The following COL23A1 variants were observed in gnomAD, a reference collection of about 807,000 sequenced individuals.
COL23A1 encodes collagen alpha-1(XXIII) chain.
In COL23A1, 97 loss-of-function variants were observed where a neutral mutation model predicts 99.3. That is an observed-to-expected ratio of 0.98 (90% CI 0.83 to 1.16). The LOEUF (loss-of-function observed/expected upper bound fraction) is 1.16. COL23A1 is among the 50% of genes most tolerant of loss of function. COL23A1 has a pLI of 0.00. For missense variants in COL23A1, 762 were observed against 757.4 expected (o/e 1.01, Z -0.07); for synonymous variants, 320 against 308.2 (o/e 1.04, Z -0.40).
Position 178,258,262 on chromosome 5 carries a change from T to TATATATATATATACAC in COL23A1, c.730-696_730-695insGTGTATATATATATAT. Reference sequence around the variant, plus strand: ...ATATATATATATATATATATATATATACACATGCAAATCAATTCTAGGCAC... The same window carrying TATATATATATATACAC: ...ATATATATATATATATATATATATATATATATATATATACACACACATGCAAATCAATTCTAGGCAC... On this transcript the variant is annotated intron_variant, in intron 12 of 28. Transcript: ENST00000390654. Among the ~76,000 whole-genome samples the TATATATATATATACAC allele has an allele frequency of 8.8e-4, 92 of 104,118 alleles. 15 individuals carry two copies. In the South Asian group the frequency reaches 0.016, roughly 18 times the overall value. The allele number at this position is 104,118 out of a possible 152,430, so 68.3% of individuals were successfully genotyped here. A position where few individuals can be genotyped will look rare whatever the true frequency, so the allele number is the denominator to read the frequency against.
intron 3 of COL23A1, among the ~76,000 whole-genome samples, chr5:178,291,249 G>A (rs1757442579): frequency 6.6e-6 from 1 of 152,192 alleles, no homozygotes; most frequent in African/African-American, 2.4e-5. Context: ...GCAGTCAGCG[G>A]CCAGCACGAT....
chr5:178,389,353 G>A (rs1763839945), intron 2 of COL23A1, among the ~76,000 whole-genome samples: 1 of 152,284 alleles, frequency 6.6e-6, no homozygotes, highest in Middle Eastern at 3.4e-3. Context: ...TCTCCCCTGT[G>A]TGACAGTTAC....
intron 2 of COL23A1, among the ~76,000 whole-genome samples, chr5:178,449,322 T>C (rs1767352753): frequency 6.6e-6 from 1 of 152,148 alleles, no homozygotes; most frequent in Admixed American, 6.5e-5. Flanking sequence ...GAAATGGTCA[T>C]GGGAAGCAGG....
chr5:178,508,018 C>T (rs200443604), intron 2 of COL23A1, among the ~76,000 whole-genome samples: 9 of 18,768 alleles, frequency 4.8e-4, no homozygotes, highest in Non-Finnish European at 7.9e-4. Context: ...TTTATTTTTT[C>T]TTCTTCTTCT....
intron 2 of COL23A1, among the ~76,000 whole-genome samples, chr5:178,476,728 C>T (rs967095359): frequency 6.6e-6 from 1 of 152,204 alleles, no homozygotes; most frequent in African/African-American, 2.4e-5. Flanking sequence ...ATGGGCGGGG[C>T]CACTTTGGCC....
intron 2 of COL23A1, among the ~76,000 whole-genome samples, chr5:178,474,115 G>A (rs1756907242): frequency 6.6e-6 from 1 of 152,166 alleles, no homozygotes; most frequent in African/African-American, 2.4e-5. Flanking sequence ...TTCTTAACCT[G>A]GGCTACAGGA....
intron 2 of COL23A1, among the ~76,000 whole-genome samples, chr5:178,352,624 G>A (rs1164128435): frequency 1.3e-5 from 2 of 152,222 alleles, no homozygotes; most frequent in Non-Finnish European, 2.9e-5. Context: ...GAGGAATGCT[G>A]CACCCAGCTA....
chr5:178,361,310 T>C (rs1762162358), intron 2 of COL23A1, among the ~76,000 whole-genome samples: 1 of 152,078 alleles, frequency 6.6e-6, no homozygotes, highest in Non-Finnish European at 1.5e-5. Context: ...ATCTCTTGAG[T>C]CAGCTGGAAG....
At chr5:178,587,814 A>G (rs1193218732) in intron 1 of COL23A1, among the ~76,000 whole-genome samples, 2 of 152,180 alleles carry the variant, frequency 1.3e-5, no homozygotes, top group Non-Finnish European at 2.9e-5. Context: ...CAGGCTGTGT[A>G]CATTTCCCAT....
chr5:178,362,440 G>A (rs1260098956), intron 2 of COL23A1, among the ~76,000 whole-genome samples: 2 of 152,116 alleles, frequency 1.3e-5, no homozygotes, highest in East Asian at 3.8e-4. Flanking sequence ...AGGGGTGCCT[G>A]TGGCCTGCCA....
At chr5:178,325,486 C>CT (rs1288600112) in intron 2 of COL23A1, among the ~76,000 whole-genome samples, 41 of 123,418 alleles carry the variant, frequency 3.3e-4, no homozygotes, top group Non-Finnish European at 1.5e-4. Flanking sequence ...TCCTTTCTCC[C>CT]TCTTTTTTTT....
chr5:178,476,357 G>A lies in COL23A1; in HGVS notation c.361+84325C>T, dbSNP rs542482381. Among the ~76,000 whole-genome samples, 49 of 152,240 alleles carry A rather than the reference G, an allele frequency of 3.2e-4. 1 individual carries two copies. Among genetic ancestry groups the A allele is most frequent in the African/African-American group, 6.7e-4 (28 of 41,544 alleles). ...CTGTCCTGCAGCCACCCAAGACCAC[G>A]CTTCTGTCTGTAAGTTCCCCAATAA... On this transcript the variant is annotated intron_variant, in intron 2 of 28. Coordinates refer to ENST00000390654, the MANE Select transcript of COL23A1 (RefSeq NM_173465.4).
intron 2 of COL23A1, among the ~76,000 whole-genome samples, chr5:178,447,801 T>C (rs946761864): frequency 6.6e-6 from 1 of 152,052 alleles, no homozygotes; most frequent in Non-Finnish European, 1.5e-5. Flanking sequence ...GAGGAGAATA[T>C]GAAGGGTGTG....
chr5:178,258,262 T>TATATATATATATATATACACACAC, intron 12 of COL23A1, among the ~76,000 whole-genome samples: 3 of 104,128 alleles, frequency 2.9e-5, no homozygotes, highest in Non-Finnish European at 6.7e-5. Context: ...TATATATATA[T>TATATATATATATATATACACACAC]ACACATGCAA....
intron 2 of COL23A1, among the ~76,000 whole-genome samples, chr5:178,446,588 GA>G (rs1272840526): frequency 1.3e-5 from 2 of 151,954 alleles, no homozygotes; most frequent in East Asian, 3.9e-4. Flanking sequence ...AAAAAAATCA[GA>G]AAAATGATAG....
intron 2 of COL23A1, among the ~76,000 whole-genome samples, chr5:178,391,985 GTAT>G (rs1561931839): frequency 6.6e-6 from 1 of 152,138 alleles, no homozygotes; most frequent in African/African-American, 2.4e-5. Flanking sequence ...AGAAAGTCAC[GTAT>G]TATATGATCC....
At chr5:178,479,440 G>A (rs1248751098) in intron 2 of COL23A1, among the ~76,000 whole-genome samples, 6 of 152,130 alleles carry the variant, frequency 3.9e-5, no homozygotes, top group South Asian at 2.1e-4. Context: ...TGGAGATGCC[G>A]GCTCACCCAT....
chr5:178,286,581 C>T (rs934643208), intron 5 of COL23A1, among the ~76,000 whole-genome samples: 1 of 152,234 alleles, frequency 6.6e-6, no homozygotes, highest in African/African-American at 2.4e-5. Context: ...TTCCTTTCCC[C>T]AGGCTTCACA....
intron 2 of COL23A1, among the ~76,000 whole-genome samples, chr5:178,322,483 C>T (rs766746570): frequency 1.3e-5 from 2 of 152,158 alleles, no homozygotes; most frequent in African/African-American, 2.4e-5. Flanking sequence ...GAATCCCTAC[C>T]ATCCCAAAGG....
Sources: gnomAD v4.1 joint callset for allele counts (sites outside exome capture counted in the v4.1 genomes callset) on GRCh38, gnomAD v4.1.1 for gene constraint, MANE v1.5 for transcripts, NCBI Gene and HGNC (gene_info 2026-07-23, HGNC 2026-07-21) for gene names.